IL15: variants seen among roughly 807,000 people sequenced by gnomAD.
The protein encoded by IL15 is interleukin-15.
IL15 carries 11 observed loss-of-function variants against 19.6 expected under a neutral mutation model. The ratio of observed to expected loss-of-function variants is 0.56; its 90% CI spans 0.35 to 0.93. IL15 has a LOEUF of 0.93. Ranked by LOEUF, IL15 falls within the 40% of genes least tolerant of loss-of-function variation. The pLI, the probability that IL15 is intolerant of heterozygous loss-of-function variation, is 0.01. For missense variants in IL15, 197 were observed against 186.5 expected (o/e 1.06, Z -0.33); for synonymous variants, 58 against 59.6 (o/e 0.97, Z 0.12).
At chr4:141,722,035 C>T (rs1175723868) in intron 5 of IL15, 27 bp downstream of exon 5, 2 of 1,552,878 alleles carry the variant, frequency 1.3e-6, no homozygotes, top group Admixed American at 1.7e-5. Context: ...CCATAAAATG[C>T]CTGGTATAAC....
At chr4:141,714,974 C>T (rs139756827) in intron 2 of IL15, 1 of 152,198 alleles carries the variant, frequency 6.6e-6, no homozygotes, top group Non-Finnish European at 1.5e-5. Context: ...ATCTAATGAG[C>T]CTTTCAAACT....
intron 2 of IL15, 105 bp downstream of exon 2, chr4:141,656,412 T>G: frequency 2.5e-6 from 1 of 394,648 alleles, no homozygotes; most frequent in Non-Finnish European, 4.5e-6. Context: ...TTATATATAC[T>G]CACAGCTTTT....
chr4:141,668,342 G>A (rs1352060751), intron 2 of IL15, among the ~76,000 whole-genome samples: 1 of 152,194 alleles, frequency 6.6e-6, no homozygotes, highest in African/African-American at 2.4e-5. Context: ...CTTGGCCACT[G>A]CCTCTTCAGT....
intron 5 of IL15, among the ~76,000 whole-genome samples, chr4:141,725,763 C>T (rs1730240187): frequency 6.6e-6 from 1 of 152,152 alleles, no homozygotes; most frequent in Non-Finnish European, 1.5e-5. Context: ...GGGATATCTT[C>T]TCTCACCACT....
chr4:141,692,644 A>G (rs1301392214), intron 2 of IL15, among the ~76,000 whole-genome samples: 1 of 152,098 alleles, frequency 6.6e-6, no homozygotes. Flanking sequence ...AGGTCCGGGG[A>G]AAAATGCCAC....
At chr4:141,705,208 G>A (rs554642242) in intron 2 of IL15, among the ~76,000 whole-genome samples, 1 of 151,592 alleles carries the variant, frequency 6.6e-6, no homozygotes, top group Non-Finnish European at 1.5e-5. Context: ...TTTTGGTGTA[G>A]GCATTTACTA....
intron 2 of IL15, among the ~76,000 whole-genome samples, chr4:141,707,805 T>C (rs937208193): frequency 6.6e-6 from 1 of 152,238 alleles, no homozygotes; most frequent in African/African-American, 2.4e-5. Context: ...GCTGTCTGGC[T>C]ACCTCTCCAG....
At chr4:141,672,031 T>C (rs945226941) in intron 2 of IL15, among the ~76,000 whole-genome samples, 13 of 152,212 alleles carry the variant, frequency 8.5e-5, no homozygotes, top group African/African-American at 2.4e-4. Flanking sequence ...GTACTTATTT[T>C]GTTGTGTGTG....
chr4:141,644,164 G>C (rs1260335611), intron 1 of IL15, among the ~76,000 whole-genome samples: 3 of 151,564 alleles, frequency 2.0e-5, no homozygotes, highest in Non-Finnish European at 4.4e-5. Flanking sequence ...ATGTCTCACA[G>C]TATTATTGCA....
intron 1 of IL15, among the ~76,000 whole-genome samples, chr4:141,652,131 A>C (rs528360183): frequency 6.6e-6 from 1 of 152,274 alleles, no homozygotes; most frequent in South Asian, 2.1e-4. Flanking sequence ...GAAAAGCAAA[A>C]ATTATAAAGA....
chr4:141,727,195 A>G (rs1730294137), intron 5 of IL15, among the ~76,000 whole-genome samples: 1 of 152,264 alleles, frequency 6.6e-6, no homozygotes, highest in Middle Eastern at 3.4e-3. Flanking sequence ...TATTCTGTAC[A>G]CTTAAGATCA....
Position 141,732,821 on chromosome 4 carries a change from T to C in IL15, c.462T>C (p.Ile154=). 6.2e-7 allele frequency: 1 copy of C among 1,609,828 alleles called. No homozygotes were observed. Among genetic ancestry groups the C allele is most frequent in the East Asian group, 2.2e-5 (1 of 44,658 alleles). ...IKEFLQSFVH[I]VQMFINTS ...AATTTTTGCAGAGTTTTGTACATATTGTCCAAATGTTCATCAACACTTCTT... is the reference window on the plus strand; with the variant it reads ...AATTTTTGCAGAGTTTTGTACATATCGTCCAAATGTTCATCAACACTTCTT... The change falls in exon 8 of 8, where the codon ATT becomes ATC. Residue 154 remains isoleucine, a synonymous_variant. Transcript: ENST00000320650.
intron 2 of IL15, among the ~76,000 whole-genome samples, chr4:141,687,820 G>A (rs1161677881): frequency 1.3e-5 from 2 of 152,118 alleles, no homozygotes; most frequent in Non-Finnish European, 2.9e-5. Context: ...AATGAGTTGT[G>A]ATAGAGCAAG....
chr4:141,710,539 C>T (rs1217188290), intron 2 of IL15, among the ~76,000 whole-genome samples: 1 of 151,882 alleles, frequency 6.6e-6, no homozygotes, highest in Non-Finnish European at 1.5e-5. Context: ...ATGTTAGTAT[C>T]CATCTCTTAG....
intron 5 of IL15, 151 bp from the exon 6 acceptor site, chr4:141,727,789 T>A: frequency 3.4e-6 from 2 of 583,888 alleles, no homozygotes; most frequent in Non-Finnish European, 3.0e-6. Flanking sequence ...ACAGGATCTC[T>A]CTGTATTTAC....
At chr4:141,670,916 G>A (rs1189041765) in intron 2 of IL15, among the ~76,000 whole-genome samples, 1 of 152,160 alleles carries the variant, frequency 6.6e-6, no homozygotes, top group Non-Finnish European at 1.5e-5. Flanking sequence ...AAAACAACTA[G>A]TATGGAGAAG....
intron 1 of IL15, among the ~76,000 whole-genome samples, chr4:141,642,370 A>G (rs934480901): frequency 2.0e-5 from 3 of 152,192 alleles, no homozygotes; most frequent in African/African-American, 7.2e-5. Context: ...AGAACCGTCT[A>G]TGTCCACAAA....
chr4:141,645,646 A>G (rs1727201768), intron 1 of IL15, among the ~76,000 whole-genome samples: 1 of 152,120 alleles, frequency 6.6e-6, no homozygotes, highest in South Asian at 2.1e-4. Flanking sequence ...CCCAACACTT[A>G]GTGGTATAAA....
intron 2 of IL15, among the ~76,000 whole-genome samples, chr4:141,657,242 G>A (rs1214078173): frequency 1.3e-5 from 2 of 152,040 alleles, no homozygotes; most frequent in Non-Finnish European, 2.9e-5. Flanking sequence ...ATCCTGCATA[G>A]GCCCCTTAAG....
Sources: allele counts gnomAD v4.1 joint callset (sites outside exome capture counted in the v4.1 genomes callset), GRCh38; gene constraint gnomAD v4.1.1; transcripts MANE v1.5; gene names NCBI Gene and HGNC (gene_info 2026-07-23, HGNC 2026-07-21).